The following FMNL2 variants were observed in gnomAD, a reference collection of about 807,000 sequenced individuals.
FMNL2 encodes formin-like protein 2.
A neutral mutation model predicts 130.2 loss-of-function variants in FMNL2; 51 were observed. That is an observed-to-expected ratio of 0.39 (90% CI 0.31 to 0.49). FMNL2 has a LOEUF of 0.49. FMNL2 is among the 20% of genes least tolerant of loss of function. The pLI is 0.85. For missense variants in FMNL2, 977 were observed against 1,316.2 expected (o/e 0.74, Z 3.99); for synonymous variants, 465 against 467.1 (o/e 1.00, Z 0.06).
At chr2:152,614,600 G>A (rs1267767801) in intron 11 of FMNL2, among the ~76,000 whole-genome samples, 1 of 152,140 alleles carries the variant, frequency 6.6e-6, no homozygotes, top group East Asian at 1.9e-4. Flanking sequence ...AAAATTAGCT[G>A]GGTGTGGTGG....
chr2:152,519,871 A>C (rs1040814221), intron 1 of FMNL2, among the ~76,000 whole-genome samples: 8 of 152,222 alleles, frequency 5.3e-5, no homozygotes, highest in Admixed American at 5.2e-4. Flanking sequence ...CAAGAGGAAA[A>C]GAACTCATTT....
At chr2:152,394,211 G>T (rs1685274782) in intron 1 of FMNL2, among the ~76,000 whole-genome samples, 2 of 152,028 alleles carry the variant, frequency 1.3e-5, no homozygotes. Context: ...TCTTACTAAC[G>T]ATCATATCCA....
intron 1 of FMNL2, among the ~76,000 whole-genome samples, chr2:152,350,205 G>A (rs1440230510): frequency 6.6e-6 from 1 of 152,154 alleles, no homozygotes; most frequent in Non-Finnish European, 1.5e-5. Flanking sequence ...AGTAGCCAGA[G>A]TACGATTTGT....
intron 6 of FMNL2, among the ~76,000 whole-genome samples, chr2:152,573,790 A>G (rs1230209438): frequency 1.3e-5 from 2 of 152,236 alleles, no homozygotes; most frequent in Admixed American, 6.5e-5. Context: ...TTGAGCATAG[A>G]ATACAACTAA....
At chr2:152,577,335 G>A (rs1696532707) in intron 7 of FMNL2, among the ~76,000 whole-genome samples, 2 of 152,166 alleles carry the variant, frequency 1.3e-5, no homozygotes, top group African/African-American at 2.4e-5. Flanking sequence ...ATTTGAGGGA[G>A]ATCATTAGGA....
At chr2:152,507,168 A>G (rs546873061) in intron 1 of FMNL2, among the ~76,000 whole-genome samples, 6 of 152,278 alleles carry the variant, frequency 3.9e-5, no homozygotes, top group African/African-American at 7.2e-5. Flanking sequence ...ATTTCACTGT[A>G]GTGCTTGGGG....
At chr2:152,556,920 C>T (rs965428470) in intron 4 of FMNL2, among the ~76,000 whole-genome samples, 1 of 150,812 alleles carries the variant, frequency 6.6e-6, no homozygotes, top group Non-Finnish European at 1.5e-5. Flanking sequence ...TAAAAAGACA[C>T]CCACCACCGA....
chr2:152,389,790 C>T lies in FMNL2; in HGVS notation c.117+54070C>T, dbSNP rs1579548266. On this transcript the variant is annotated intron_variant, in intron 1 of 25. Coordinates refer to ENST00000288670, the MANE Select transcript of FMNL2 (RefSeq NM_052905.4). ...ACACTTTCTTCAGCTTCCTTCGACG[C>T]AAAACAGACTTTTTCACTGCAGGAG... The T allele has an allele frequency of 2.9e-5, 42 of 1,469,356 alleles. No individual in the cohort carries two copies. In the South Asian group the frequency reaches 4.5e-4, roughly 16 times the overall value. The allele number at this position is 1,469,356 out of a possible 1,614,324, so 91.0% of individuals were successfully genotyped here. A position where few individuals can be genotyped will look rare whatever the true frequency, so the allele number is the denominator to read the frequency against.
rs567162982 is a variant in FMNL2 at position 152,461,618 on chromosome 2, T to G, written c.118-60325T>G. ...TAAAAATTCAATTCTTTCTTCACCCTAAACATATTTCAAATGCCAATAGCC... is the reference window on the plus strand; with the variant it reads ...TAAAAATTCAATTCTTTCTTCACCCGAAACATATTTCAAATGCCAATAGCC... On this transcript the variant is annotated intron_variant, in intron 1 of 25. Transcript: ENST00000288670. Among the ~76,000 whole-genome samples, 3 of 152,362 alleles carry G rather than the reference T, an allele frequency of 2.0e-5. No individual in the cohort carries two copies. In the East Asian group the frequency reaches 5.8e-4, roughly 29 times the overall value.
At chr2:152,452,808 G>A (rs1688720143) in intron 1 of FMNL2, among the ~76,000 whole-genome samples, 1 of 152,264 alleles carries the variant, frequency 6.6e-6, no homozygotes, top group Admixed American at 6.5e-5. Flanking sequence ...CGTACCAGGT[G>A]AGATGCAATT....
intron 1 of FMNL2, among the ~76,000 whole-genome samples, chr2:152,341,117 C>T (rs1285330304): frequency 6.6e-6 from 1 of 152,182 alleles, no homozygotes; most frequent in Non-Finnish European, 1.5e-5. Flanking sequence ...TGTAGTGAGG[C>T]CATCAGATGC....
chr2:152,574,538 C>T (rs1292593241), intron 6 of FMNL2, among the ~76,000 whole-genome samples: 1 of 151,766 alleles, frequency 6.6e-6, no homozygotes, highest in Non-Finnish European at 1.5e-5. Flanking sequence ...AGAAATATGA[C>T]ACTGTAGAGA....
chr2:152,555,231 AC>A (rs1695139690), intron 4 of FMNL2, among the ~76,000 whole-genome samples: 1 of 152,114 alleles, frequency 6.6e-6, no homozygotes, highest in South Asian at 2.1e-4. Context: ...GGTTTCAGGG[AC>A]CCCTAGTGGT....
chr2:152,568,565 G>A (rs1052103778), intron 6 of FMNL2, among the ~76,000 whole-genome samples: 4 of 152,078 alleles, frequency 2.6e-5, no homozygotes, highest in Admixed American at 6.6e-5. Flanking sequence ...GGACATACCC[G>A]AGACTGAGTA....
intron 2 of FMNL2, among the ~76,000 whole-genome samples, chr2:152,540,180 T>C (rs531814659): frequency 5.9e-5 from 9 of 152,268 alleles, no homozygotes; most frequent in Non-Finnish European, 1.0e-4. Context: ...GCTGTTGTCA[T>C]ACATGAGGTT....
chr2:152,603,942 G>A (rs1308866761), intron 9 of FMNL2, among the ~76,000 whole-genome samples: 1 of 150,968 alleles, frequency 6.6e-6, no homozygotes, highest in African/African-American at 2.4e-5. Context: ...ATGAGCCATT[G>A]GTTCCCAGAT....
At chr2:152,470,923 G>A (rs766372271) in intron 1 of FMNL2, among the ~76,000 whole-genome samples, 5 of 152,180 alleles carry the variant, frequency 3.3e-5, no homozygotes, top group Non-Finnish European at 5.9e-5. Flanking sequence ...GTAGTTGTGT[G>A]TTCTTTTAAT....
chr2:152,451,021 G>A (rs1451384570), intron 1 of FMNL2, among the ~76,000 whole-genome samples: 1 of 152,204 alleles, frequency 6.6e-6, no homozygotes, highest in African/African-American at 2.4e-5. Flanking sequence ...CTTGGAGTAA[G>A]ATTTTGTTGA....
At chr2:152,553,127 C>T (rs1695028136) in intron 4 of FMNL2, among the ~76,000 whole-genome samples, 1 of 152,146 alleles carries the variant, frequency 6.6e-6, no homozygotes. Context: ...GTCTTCTCTC[C>T]TGCCCACCAG....
Sources: gnomAD v4.1 joint callset for allele counts (sites outside exome capture counted in the v4.1 genomes callset) on GRCh38, gnomAD v4.1.1 for gene constraint, MANE v1.5 for transcripts, NCBI Gene and HGNC (gene_info 2026-07-23, HGNC 2026-07-21) for gene names.